UBN2: variants seen among roughly 807,000 people sequenced by gnomAD.
The protein encoded by UBN2 is ubinuclein-2.
UBN2 carries 35 observed loss-of-function variants against 120.2 expected under a neutral mutation model. The observed-to-expected ratio is 0.29, with a 90% confidence interval of 0.22 to 0.39. The LOEUF (loss-of-function observed/expected upper bound fraction) is 0.39. UBN2 is among the 10% of genes least tolerant of loss of function. The pLI is 1.00. For missense variants in UBN2, 1,693 were observed against 1,663.2 expected, an observed-to-expected ratio of 1.02 and a Z score of -0.31; for synonymous variants, 661 against 648.7, an observed-to-expected ratio of 1.02 and a Z score of -0.29.
Position 139,276,411 on chromosome 7 carries a change from C to T in UBN2, c.2024+264C>T, listed in dbSNP as rs1024755416. 1.8e-5 allele frequency: 8 copies of T among 452,050 alleles called. No homozygotes were observed. The Admixed American group carries it at 3.1e-4, about 17-fold the overall frequency. 28.0% of individuals were successfully genotyped at this position (452,050 alleles called of 1,614,324 possible). On this transcript the variant is annotated intron_variant, in intron 12 of 17. Coordinates refer to ENST00000473989, the MANE Select transcript of UBN2 (RefSeq NM_173569.4). ...GAAGGCTCAGGGATTTTCCTTTGTT[C>T]CTGGGCCTTCTACCTGCCAGTCTTT...
In UBN2 at chr7:139,284,473, G is replaced by T; in HGVS notation, c.3568G>T (p.Gly1190Trp). ...CGGAGCTAATAGGACTAGTCTGTCT[G>T]GGGGAACAGGAAGTGGAACACAGGG... ...SSGANRTSLS[G>W]GTGSGTQGAT... Residue 1190 changes from glycine to tryptophan, a missense_variant, in exon 15 of 18, where the codon GGG becomes TGG. This residue lies in a region of UBN2 where 837 missense variants were observed against 817.6 expected (regional missense o/e 1.02). Transcript: ENST00000473989. The T allele has an allele frequency of 6.2e-7, 1 of 1,614,170 alleles. No homozygotes were observed. The highest frequency in any genetic ancestry group is 8.5e-7 in the Non-Finnish European group (1 of 1,180,032).
In UBN2 at chr7:139,304,793, G is replaced by A. The variant is rs2131093250; in HGVS notation, c.*6957G>A. The A allele has an allele frequency of 1.3e-5, 2 of 150,718 alleles. No individual in the cohort carries two copies. Among genetic ancestry groups the A allele is most frequent in the South Asian group, 4.2e-4 (2 of 4,788 alleles). 9.3% of individuals were successfully genotyped at this position (150,718 alleles called of 1,614,324 possible). A position where few individuals can be genotyped will look rare whatever the true frequency, so the allele number is the denominator to read the frequency against. On this transcript the variant is annotated 3_prime_UTR_variant, in exon 18 of 18. Coordinates refer to ENST00000473989, the MANE Select transcript of UBN2 (RefSeq NM_173569.4). ...GCTTTTTCCAGATAAGGCCTTAGTAGCCTCTAAATATCAACTATGCAGATA... is the reference window on the plus strand; with the variant it reads ...GCTTTTTCCAGATAAGGCCTTAGTAACCTCTAAATATCAACTATGCAGATA...
In UBN2 at chr7:139,283,826, C is replaced by T; in HGVS notation, c.2921C>T (p.Ser974Leu). ...TGTTCCTCCTCACTTATTAAGACTT[C>T]AGATAAGCCACTTATGTACCGCCTT... ...LSCSSSLIKT[S>L]DKPLMYRLPL... Residue 974 changes from serine (S) to leucine (L), a missense_variant, in exon 15 of 18, where the codon TCA becomes TTA. This residue lies in a region of UBN2 where 837 missense variants were observed against 817.6 expected (regional missense o/e 1.02). Coordinates refer to ENST00000473989, the MANE Select transcript of UBN2 (RefSeq NM_173569.4). 1 of 1,614,130 alleles carries T rather than the reference C, an allele frequency of 6.2e-7. No homozygotes were observed. The highest frequency in any genetic ancestry group is 8.5e-7 in the Non-Finnish European group (1 of 1,180,034).
the UBN2 span, among the ~76,000 whole-genome samples, chr7:139,316,077 C>CAAAAAAAAAAAA: frequency 4.2e-4 from 6 of 14,186 alleles, 1 homozygote; most frequent in Non-Finnish European, 8.9e-4. Context: ...GACTTCGTCT[C>CAAAAAAAAAAAA]AAAAAAAAAA....
chr7:139,258,886 T>C (rs2130976282), intron 4 of UBN2, among the ~76,000 whole-genome samples: 1 of 152,334 alleles, frequency 6.6e-6, no homozygotes, highest in South Asian at 2.1e-4. Flanking sequence ...GAAGGTTATA[T>C]TTCTCGGATA....
At chr7:139,318,439 T>G in the UBN2 span, among the ~76,000 whole-genome samples, 5 of 152,210 alleles carry the variant, frequency 3.3e-5, no homozygotes, top group Non-Finnish European at 7.3e-5. Context: ...TGTTTAGTGA[T>G]TTTTGTATGA....
intron 7 of UBN2, among the ~76,000 whole-genome samples, chr7:139,269,180 A>C (rs184724458): frequency 6.5e-4 from 99 of 152,224 alleles, no homozygotes; most frequent in African/African-American, 2.3e-3. Flanking sequence ...TTGCACTCCA[A>C]CCTGGGCTAC....
chr7:139,231,569 C>G lies in UBN2; in HGVS notation c.85C>G (p.Pro29Ala). 7.1e-7 allele frequency: 1 copy of G among 1,405,318 alleles called. No homozygotes were observed. The allele number at this position is 1,405,318 out of a possible 1,614,324, so 87.1% of individuals were successfully genotyped here. Residue 29 changes from proline to alanine, a missense_variant, in exon 1 of 18, where the codon CCC becomes GCC. Coordinates refer to ENST00000473989, the MANE Select transcript of UBN2 (RefSeq NM_173569.4). Reference sequence around the variant, plus strand: ...CGAGTACCCGGGGCCCGAGCGTGAGCCCGAGTACCCCCGCGAGCCCCCCCG... The same window carrying G: ...CGAGTACCCGGGGCCCGAGCGTGAGGCCGAGTACCCCCGCGAGCCCCCCCG... ...EAEYPGPEREPEYPREPPRLE... is the reference protein window; with the variant it reads ...EAEYPGPEREAEYPREPPRLE...
the UBN2 span, among the ~76,000 whole-genome samples, chr7:139,323,555 G>GATT: frequency 0.069 from 9,696 of 141,516 alleles, 381 homozygotes; most frequent in East Asian, 0.17. Flanking sequence ...TTCTGGACCT[G>GATT]ATTATTATTA....
chr7:139,258,961 A>T (rs187625034), intron 4 of UBN2, among the ~76,000 whole-genome samples: 1 of 152,324 alleles, frequency 6.6e-6, no homozygotes, highest in East Asian at 1.9e-4. Flanking sequence ...TAGAATTTGT[A>T]TACATTGTCT....
At chr7:139,329,563 C>T in the UBN2 span, among the ~76,000 whole-genome samples, 2 of 152,072 alleles carry the variant, frequency 1.3e-5, no homozygotes, top group Admixed American at 6.6e-5. Flanking sequence ...AGAAGTAATC[C>T]ACTACAGAGG....
At chr7:139,314,046 C>T in the UBN2 span, among the ~76,000 whole-genome samples, 19 of 150,812 alleles carry the variant, frequency 1.3e-4, no homozygotes, top group African/African-American at 4.6e-4. Flanking sequence ...TGGGGTTTCA[C>T]CATGTTGGTC....
downstream of UBN2, among the ~76,000 whole-genome samples, chr7:139,310,552 C>T (rs1018448267): frequency 1.3e-5 from 2 of 152,200 alleles, no homozygotes; most frequent in Admixed American, 6.5e-5. Context: ...AGGCGGATCA[C>T]TTGAGGTCAG....
At chr7:139,270,868 C>G (rs942003810) in intron 8 of UBN2, among the ~76,000 whole-genome samples, 1 of 152,198 alleles carries the variant, frequency 6.6e-6, no homozygotes, top group Non-Finnish European at 1.5e-5. Flanking sequence ...CCTCAGCCTC[C>G]TGAGTAGCTG....
the UBN2 span, among the ~76,000 whole-genome samples, chr7:139,323,690 A>G: frequency 1.3e-5 from 2 of 151,690 alleles, no homozygotes; most frequent in African/African-American, 2.4e-5. Flanking sequence ...CCCGGGTTCA[A>G]GCAATTCCCT....
intron 2 of UBN2, among the ~76,000 whole-genome samples, chr7:139,242,798 ATAC>A (rs1449134620): frequency 1.3e-5 from 2 of 152,196 alleles, no homozygotes; most frequent in Non-Finnish European, 2.9e-5. Flanking sequence ...GAAGTTGTGT[ATAC>A]TATTTTTGTG....
chr7:139,293,226 G>C lies in UBN2; in HGVS notation c.3670-6G>C. Reference sequence around the variant, plus strand: ...TTATGTATTTTGACCCCTGGTTTCTGCACAGTCCACAGCAGGAGCATCATT... The same window carrying C: ...TTATGTATTTTGACCCCTGGTTTCTCCACAGTCCACAGCAGGAGCATCATT... On this transcript the variant is annotated splice_region_variant and splice_polypyrimidine_tract_variant and intron_variant, in intron 15 of 17. Coordinates refer to ENST00000473989, the MANE Select transcript of UBN2 (RefSeq NM_173569.4). The C allele has an allele frequency of 3.1e-6, 5 of 1,612,686 alleles. No individual in the cohort carries two copies. The highest frequency in any genetic ancestry group is 4.2e-6 in the Non-Finnish European group (5 of 1,178,730).
At chr7:139,267,985 C>G (rs1797150179) in intron 7 of UBN2, among the ~76,000 whole-genome samples, 1 of 152,198 alleles carries the variant, frequency 6.6e-6, no homozygotes, top group African/African-American at 2.4e-5. Flanking sequence ...CTGACCAACT[C>G]TTCTTTTTCT....
chr7:139,329,823 G>A, the UBN2 span, among the ~76,000 whole-genome samples: 2 of 152,084 alleles, frequency 1.3e-5, no homozygotes, highest in African/African-American at 4.8e-5. Context: ...CCAACAAACT[G>A]AGAATGTGAT....
Sources: gnomAD v4.1 joint callset for allele counts (sites outside exome capture counted in the v4.1 genomes callset) on GRCh38, gnomAD v4.1.1 for gene constraint, gnomAD v4.1.1 regional missense constraint, MANE v1.5 for transcripts, NCBI Gene and HGNC (gene_info 2026-07-23, HGNC 2026-07-21) for gene names.